Variants in GPR107 observed in about 807,000 individuals in gnomAD.
GPR107 encodes G protein-coupled receptor 107.
GPR107 carries 31 observed loss-of-function variants against 75.5 expected under a neutral mutation model. The observed-to-expected ratio is 0.41, with a 90% CI of 0.31 to 0.55. The LOEUF (loss-of-function observed/expected upper bound fraction) is 0.55, where lower values mean the gene tolerates loss of function less well. Among genes scored for constraint, GPR107 ranks in the 20% least tolerant of loss-of-function variants. The pLI, the probability that GPR107 is intolerant of heterozygous loss-of-function variation, is 0.26. For missense variants in GPR107, 572 were observed against 665.7 expected, an observed-to-expected ratio of 0.86 and a Z score of 1.55; for synonymous variants, 267 against 251.3, an observed-to-expected ratio of 1.06 and a Z score of -0.59.
intron 9 of GPR107, among the ~76,000 whole-genome samples, chr9:130,097,155 C>CTTTTTTT (rs71387312): frequency 1.5e-5 from 2 of 130,170 alleles, no homozygotes; most frequent in Non-Finnish European, 3.1e-5. Context: ...TCTTTTTTTT[C>CTTTTTTT]TTTTTTTTTT....
intron 14 of GPR107, among the ~76,000 whole-genome samples, chr9:130,118,509 T>G (rs796333746): frequency 1.3e-5 from 2 of 152,176 alleles, no homozygotes; most frequent in African/African-American, 4.8e-5. Flanking sequence ...AGTGGGCACT[T>G]GTCCTGTTCT....
Position 130,086,479 on chromosome 9 carries a change from A to T in GPR107, c.621+3A>T. 6.7e-7 allele frequency: 1 copy of T among 1,496,438 alleles called. No homozygotes were observed. The highest frequency in any genetic ancestry group is 9.3e-7 in the Non-Finnish European group (1 of 1,073,292). The allele number at this position is 1,496,438 out of a possible 1,614,324, so 92.7% of individuals were successfully genotyped here. A position where few individuals can be genotyped will look rare whatever the true frequency, so the allele number is the denominator to read the frequency against. ...ATGGTGGGGCAGTGTCATTTCAGGTATGTATGCTCTTTGTGTAAAGCCTCC... is the reference window on the plus strand; with the variant it reads ...ATGGTGGGGCAGTGTCATTTCAGGTTTGTATGCTCTTTGTGTAAAGCCTCC... On this transcript the variant is annotated splice_donor_region_variant and intron_variant, in intron 7 of 17. Coordinates refer to ENST00000347136, the MANE Select transcript of GPR107 (RefSeq NM_020960.5).
chr9:130,099,792 T>G (rs1189103703), intron 10 of GPR107, among the ~76,000 whole-genome samples: 1 of 4,704 alleles, frequency 2.1e-4, no homozygotes, highest in African/African-American at 7.5e-4. Context: ...TTGTTTTTAT[T>G]TCTTTGTTTT....
intron 1 of GPR107, among the ~76,000 whole-genome samples, chr9:130,057,596 A>T (rs921706259): frequency 2.0e-5 from 3 of 151,840 alleles, no homozygotes; most frequent in African/African-American, 4.8e-5. Context: ...ATGAACTCCC[A>T]TGTGCCTGTC....
At chr9:130,108,464 A>G (rs1295264393) in intron 14 of GPR107, among the ~76,000 whole-genome samples, 1 of 152,254 alleles carries the variant, frequency 6.6e-6, no homozygotes, top group African/African-American at 2.4e-5. Context: ...AAGTTAAATT[A>G]AACATGACTT....
At chr9:130,098,041 C>G (rs1830922148) in intron 9 of GPR107, among the ~76,000 whole-genome samples, 1 of 152,004 alleles carries the variant, frequency 6.6e-6, no homozygotes, top group Non-Finnish European at 1.5e-5. Flanking sequence ...ACCGCCACAC[C>G]CAGCTAACTT....
At chr9:130,064,513 T>C (rs1830023989) in intron 1 of GPR107, among the ~76,000 whole-genome samples, 1 of 152,194 alleles carries the variant, frequency 6.6e-6, no homozygotes, top group African/African-American at 2.4e-5. Flanking sequence ...ATAGCTTTTC[T>C]TTATCCCTTT....
At chr9:130,087,416 C>T (rs1280356542) in intron 7 of GPR107, among the ~76,000 whole-genome samples, 1 of 151,984 alleles carries the variant, frequency 6.6e-6, no homozygotes, top group African/African-American at 2.4e-5. Context: ...GCCTGTTATC[C>T]CAGCACTTTG....
At chr9:130,094,658 T>G (rs1830820910) in intron 9 of GPR107, among the ~76,000 whole-genome samples, 1 of 151,886 alleles carries the variant, frequency 6.6e-6, no homozygotes, top group African/African-American at 2.4e-5. Context: ...GTTTTTTTAT[T>G]TTGTTTTGTT....
rs189943924 is a variant in GPR107, at chr9:130,139,203, T to A, written c.*4082T>A. On this transcript the variant is annotated 3_prime_UTR_variant, in exon 18 of 18. Transcript: ENST00000347136. ...TTCAGCAAGTTAATGGCTTCCTCGC[T>A]ATAGAAGTGAGACTTTGACTTGATG... The A allele has an allele frequency of 1.7e-3, 257 of 152,312 alleles. No homozygotes were observed. Among genetic ancestry groups the A allele is most frequent in the African/African-American group, 6.1e-3 (255 of 41,550 alleles). The allele number at this position is 152,312 out of a possible 1,614,324, so 9.4% of individuals were successfully genotyped here. A position where few individuals can be genotyped will look rare whatever the true frequency, so the allele number is the denominator to read the frequency against.
At chr9:130,063,776 T>C (rs2132538933) in intron 1 of GPR107, among the ~76,000 whole-genome samples, 1 of 151,856 alleles carries the variant, frequency 6.6e-6, no homozygotes, top group Admixed American at 6.6e-5. Flanking sequence ...CCTTTACTAC[T>C]ACTGTATAGA....
chr9:130,118,091 G>C (rs4837463), intron 14 of GPR107, among the ~76,000 whole-genome samples: 148,250 of 152,294 alleles, frequency 0.97, 72,191 homozygotes, highest in East Asian at 1. Context: ...TTGGGTTTGC[G>C]TATTGGCTTC....
At chr9:130,054,680 A>C (rs1318116453) in intron 1 of GPR107, among the ~76,000 whole-genome samples, 1 of 152,132 alleles carries the variant, frequency 6.6e-6, no homozygotes, top group African/African-American at 2.4e-5. Flanking sequence ...GGGAAGAGAG[A>C]TTTTTGATAA....
In GPR107 at chr9:130,088,895, C is replaced by T. The variant is rs758936518; in HGVS notation, c.622-1981C>T. ...TTTTTAAAATGTTTTTCAGGCCAGG[C>T]ATGGTGGCTCACACCTGTAATCCCA... On this transcript the variant is annotated intron_variant, in intron 7 of 17. Coordinates refer to ENST00000347136, the MANE Select transcript of GPR107 (RefSeq NM_020960.5). Among the ~76,000 whole-genome samples, 127 of 152,138 alleles carry T rather than the reference C, an allele frequency of 8.3e-4. 3 individuals are homozygous for T. The highest frequency in any genetic ancestry group is 2.6e-4 in the Admixed American group (4 of 15,266).
chr9:130,077,390 TA>T lies in GPR107; in HGVS notation c.386+15del. 7.6e-7 allele frequency: 1 copy of T among 1,313,100 alleles called. No homozygotes were observed. Among genetic ancestry groups the T allele is most frequent in the Non-Finnish European group, 1.1e-6 (1 of 904,768 alleles). The allele number at this position is 1,313,100 out of a possible 1,614,324, so 81.3% of individuals were successfully genotyped here. A position where few individuals can be genotyped will look rare whatever the true frequency, so the allele number is the denominator to read the frequency against. ...ATCTCCAGAAGTGAGTAAGTAATTC[TA>T]AAGTTCCTTCAGTTCAGTCCTAGAG... On this transcript the variant is annotated intron_variant, in intron 4 of 17. Coordinates refer to ENST00000347136, the MANE Select transcript of GPR107 (RefSeq NM_020960.5).
At chr9:130,130,078 A>G (rs1234632563) in intron 17 of GPR107, 2 of 152,216 alleles carry the variant, frequency 1.3e-5, no homozygotes, top group African/African-American at 4.8e-5. Context: ...CTGTGCAGCC[A>G]TTACCCCACC....
chr9:130,123,837 G>A (rs1267739923), intron 14 of GPR107, among the ~76,000 whole-genome samples: 1 of 152,104 alleles, frequency 6.6e-6, no homozygotes, highest in East Asian at 1.9e-4. Context: ...TGCCAGAGAG[G>A]TTGCTAGGTA....
chr9:130,079,301 T>C (rs1001610040), intron 4 of GPR107, among the ~76,000 whole-genome samples: 1 of 152,228 alleles, frequency 6.6e-6, no homozygotes. Context: ...TTTTACATTT[T>C]GTCCGTTTCT....
At chr9:130,084,505 T>C (rs1416917536) in intron 6 of GPR107, among the ~76,000 whole-genome samples, 2 of 150,448 alleles carry the variant, frequency 1.3e-5, no homozygotes, top group Non-Finnish European at 1.5e-5. Context: ...TGGCTGGGCA[T>C]GGTGGCTTGC....
Sources: gnomAD v4.1 joint callset for allele counts (sites outside exome capture counted in the v4.1 genomes callset) on GRCh38, gnomAD v4.1.1 for gene constraint, MANE v1.5 for transcripts, NCBI Gene and HGNC (gene_info 2026-07-23, HGNC 2026-07-21) for gene names.